Variants in SVOP observed in about 807,000 individuals in gnomAD.
SVOP encodes synaptic vesicle 2-related protein.
A neutral mutation model predicts 69.1 loss-of-function variants in SVOP; 17 were observed. The observed-to-expected ratio is 0.25, with a 90% CI of 0.17 to 0.37. SVOP has a LOEUF of 0.37. Among genes scored for constraint, SVOP ranks in the 10% least tolerant of loss-of-function variants. SVOP has a pLI of 1.00. For missense variants in SVOP, 435 were observed against 597.5 expected, an observed-to-expected ratio of 0.73 and a Z score of 2.84; for synonymous variants, 238 against 238.6, an observed-to-expected ratio of 1.00 and a Z score of 0.02.
At chr12:108,999,085 C>T (rs1257868234) in intron 1 of SVOP, among the ~76,000 whole-genome samples, 1 of 129,680 alleles carries the variant, frequency 7.7e-6, no homozygotes, top group South Asian at 3.0e-4. Context: ...TGCAGAGACA[C>T]ACATAGGCTC....
chr12:108,912,710 A>G lies in SVOP; in HGVS notation c.1472T>C (p.Leu491Pro), dbSNP rs2039691945. Reference protein sequence around the residue: ...VMLESSVYLTLAVYSGCCLLA... With the variant: ...VMLESSVYLTPAVYSGCCLLA... ...GAGGCAGCAGCCACTGTAAACTGCCAGAGTCAGGTACACAGAGGATTCCAG... is the reference window on the plus strand; with the variant it reads ...GAGGCAGCAGCCACTGTAAACTGCCGGAGTCAGGTACACAGAGGATTCCAG... The change falls in exon 16 of 16, where the codon CTG becomes CCG. Residue 491 changes from leucine (L) to proline (P), a missense_variant. Physicochemically the swap from Leu to Pro is moderately conservative, Grantham distance 98. Coordinates refer to ENST00000610966, the MANE Select transcript of SVOP (RefSeq NM_018711.5). The G allele has an allele frequency of 9.9e-6, 16 of 1,613,956 alleles. No homozygotes were observed. Among genetic ancestry groups the G allele is most frequent in the Non-Finnish European group, 1.4e-5 (16 of 1,179,886 alleles).
chr12:109,013,045 G>A (rs1195048295), intron 1 of SVOP, among the ~76,000 whole-genome samples: 3 of 152,204 alleles, frequency 2.0e-5, no homozygotes, highest in African/African-American at 7.2e-5. Context: ...CCACTGTCAG[G>A]GAAAATAACA....
chr12:108,952,392 G>A (rs1193283600), intron 6 of SVOP, among the ~76,000 whole-genome samples: 2 of 151,634 alleles, frequency 1.3e-5, no homozygotes, highest in Admixed American at 6.6e-5. Flanking sequence ...GCACCACCAC[G>A]CCTGGCTAAT....
intron 3 of SVOP, among the ~76,000 whole-genome samples, chr12:108,978,230 G>A (rs2040117692): frequency 1.3e-5 from 2 of 152,210 alleles, no homozygotes; most frequent in Non-Finnish European, 1.5e-5. Context: ...GGGATCATGA[G>A]AGTCTTGAAG....
In SVOP at chr12:108,998,840, C is replaced by G. The variant is rs550956025; in HGVS notation, c.36-15079G>C. ...TAAACATGGAAAGGAACAACCGGTACCAGCCGTTGCAAAATCATGCCAAAA... is the reference window on the plus strand; with the variant it reads ...TAAACATGGAAAGGAACAACCGGTAGCAGCCGTTGCAAAATCATGCCAAAA... On this transcript the variant is annotated intron_variant, in intron 1 of 15. Coordinates refer to ENST00000610966, the MANE Select transcript of SVOP (RefSeq NM_018711.5). Among the ~76,000 whole-genome samples, 808 of 151,654 alleles carry G rather than the reference C, an allele frequency of 5.3e-3. 11 individuals are homozygous for G. The highest frequency in any genetic ancestry group is 0.019 in the African/African-American group (782 of 41,320).
chr12:109,003,094 C>T (rs972857562), intron 1 of SVOP, among the ~76,000 whole-genome samples: 1 of 152,030 alleles, frequency 6.6e-6, no homozygotes, highest in Non-Finnish European at 1.5e-5. Flanking sequence ...AGTCTCCAGG[C>T]AGTTTGTTTG....
chr12:108,965,123 C>T (rs895143740), intron 5 of SVOP, among the ~76,000 whole-genome samples: 1 of 152,222 alleles, frequency 6.6e-6, no homozygotes, highest in Non-Finnish European at 1.5e-5. Flanking sequence ...AGGAACATGA[C>T]AGCCAGAGTC....
At chr12:108,978,111 T>C (rs2040117153) in intron 3 of SVOP, among the ~76,000 whole-genome samples, 1 of 152,152 alleles carries the variant, frequency 6.6e-6, no homozygotes, top group Non-Finnish European at 1.5e-5. Context: ...GACGATCCAT[T>C]TGGGAAAATA....
At chr12:108,999,692 C>A (rs1418311327) in intron 1 of SVOP, among the ~76,000 whole-genome samples, 1 of 148,696 alleles carries the variant, frequency 6.7e-6, no homozygotes, top group Non-Finnish European at 1.5e-5. Context: ...GGAAACTGAA[C>A]AACCTGCTCC....
chr12:108,960,778 C>T (rs1426514110), intron 6 of SVOP, 145 bp downstream of exon 6: 2 of 944,224 alleles, frequency 2.1e-6, no homozygotes, highest in Non-Finnish European at 3.0e-6. Context: ...CTTGCTACAC[C>T]ATAGCTCCTT....
At chr12:109,015,834 G>C (rs2040364975) in intron 1 of SVOP, among the ~76,000 whole-genome samples, 1 of 152,090 alleles carries the variant, frequency 6.6e-6, no homozygotes, top group Non-Finnish European at 1.5e-5. Context: ...GGGAGGAAGA[G>C]GGGAGTCTAA....
chr12:108,974,272 C>T (rs2040094822), intron 4 of SVOP, among the ~76,000 whole-genome samples: 1 of 152,076 alleles, frequency 6.6e-6, no homozygotes, highest in Non-Finnish European at 1.5e-5. Context: ...CATTCCACAC[C>T]ACTCATTAAG....
intron 1 of SVOP, among the ~76,000 whole-genome samples, chr12:108,989,397 C>T (rs146070136): frequency 0.092 from 13,875 of 151,246 alleles, 844 homozygotes; most frequent in East Asian, 0.2. Flanking sequence ...TTTGTGTAAG[C>T]GATTTACTGA....
intron 5 of SVOP, among the ~76,000 whole-genome samples, chr12:108,969,191 G>C (rs967339368): frequency 6.6e-6 from 1 of 152,066 alleles, no homozygotes; most frequent in Non-Finnish European, 1.5e-5. Flanking sequence ...AAACAAAAAT[G>C]ACTCTGTTTT....
In SVOP at chr12:108,909,535, CTT is replaced by C. The variant is rs2039667877; in HGVS notation, c.*2998_*2999del. On this transcript the variant is annotated 3_prime_UTR_variant, in exon 16 of 16. Transcript: ENST00000610966. ...ATTGAAAATAATGGCAGGGGAGACT[CTT>C]GATCTTATCATTCAAGGCTTTCTGT... is the stretch of plus-strand genomic sequence containing the variant. 1 of 151,332 alleles carries C rather than the reference CTT, an allele frequency of 6.6e-6. No homozygotes were observed. The highest frequency in any genetic ancestry group is 1.5e-5 in the Non-Finnish European group (1 of 67,940). 9.4% of individuals were successfully genotyped at this position (151,332 alleles called of 1,614,324 possible).
At chr12:108,940,272 G>T (rs1034501463) in intron 8 of SVOP, among the ~76,000 whole-genome samples, 5 of 152,136 alleles carry the variant, frequency 3.3e-5, no homozygotes, top group African/African-American at 1.2e-4. Flanking sequence ...AGTGCCTACT[G>T]GCTGTAAAGT....
chr12:108,937,485 C>T, intron 9 of SVOP, 148 bp from the exon 10 acceptor site: 3 of 777,950 alleles, frequency 3.9e-6, no homozygotes, highest in Non-Finnish European at 6.7e-6. Context: ...GGTCTCAAAT[C>T]TACAGGACGC....
chr12:108,918,292 C>T (rs369095135), intron 13 of SVOP, among the ~76,000 whole-genome samples, 168 bp from the exon 14 acceptor site: 3 of 152,200 alleles, frequency 2.0e-5, no homozygotes, highest in East Asian at 1.9e-4. Flanking sequence ...ATCATCTTGA[C>T]AGTCCTGCTT....
intron 10 of SVOP, 67 bp downstream of exon 10, chr12:108,937,197 A>G (rs1175838785): frequency 2.6e-6 from 4 of 1,558,374 alleles, no homozygotes; most frequent in Non-Finnish European, 3.5e-6. Context: ...CCATTGCATT[A>G]AAACAAAACC....
Sources: gnomAD v4.1 joint callset for allele counts (sites outside exome capture counted in the v4.1 genomes callset) on GRCh38, gnomAD v4.1.1 for gene constraint, MANE v1.5 for transcripts, NCBI Gene and HGNC (gene_info 2026-07-23, HGNC 2026-07-21) for gene names.